DNAH6: variants seen among roughly 807,000 people sequenced by gnomAD.
DNAH6 encodes axonemal beta dynein heavy chain 6.
A neutral mutation model predicts 491.4 loss-of-function variants in DNAH6; 340 were observed. The ratio of observed to expected loss-of-function variants is 0.69; its 90% CI spans 0.63 to 0.76. DNAH6 has a LOEUF of 0.76. Among genes scored for constraint, DNAH6 ranks in the 30% least tolerant of loss-of-function variants. The pLI is 0.00. For synonymous variants in DNAH6, 1,603 were observed against 1,686.1 expected (o/e 0.95, Z 1.21); for missense variants, 4,443 against 4,972.2 (o/e 0.89, Z 3.20).
intron 23 of DNAH6, among the ~76,000 whole-genome samples, chr2:84,619,152 T>C (rs1056283831): frequency 1.3e-5 from 2 of 152,214 alleles, no homozygotes; most frequent in Non-Finnish European, 2.9e-5. Context: ...CAAAATTACA[T>C]TATGCCAATT....
At chr2:84,616,682 G>T (rs1471356943) in intron 22 of DNAH6, among the ~76,000 whole-genome samples, 1 of 152,042 alleles carries the variant, frequency 6.6e-6, no homozygotes, top group African/African-American at 2.4e-5. Context: ...TAATGTGATT[G>T]TAATTTTTCT....
At position 84,797,523 on chromosome 2, in the gene DNAH6, GT is replaced by G; in HGVS notation, c.11360-9del. On this transcript the variant is annotated splice_polypyrimidine_tract_variant and intron_variant, in intron 69 of 76. Transcript: ENST00000389394. ...TATTTGAGACATATTTGTCTTCTGT[GT>G]TTTTAATAACAGGCATCTATTTTGC... The G allele has an allele frequency of 6.5e-7, 1 of 1,548,378 alleles. No individual in the cohort carries two copies. The highest frequency in any genetic ancestry group is 1.2e-5 in the South Asian group (1 of 83,618).
the DNAH6 span, among the ~76,000 whole-genome samples, chr2:84,499,756 A>G: frequency 6.6e-6 from 1 of 152,224 alleles, no homozygotes; most frequent in Non-Finnish European, 1.5e-5. Flanking sequence ...ATGACATCTC[A>G]TAGTAGTTTT....
At chr2:84,611,557 C>T (rs770040574) in intron 21 of DNAH6, 117 bp from the exon 22 acceptor site, 61 of 873,242 alleles carry the variant, frequency 7.0e-5, no homozygotes, top group Middle Eastern at 3.4e-4. Context: ...TGTGAGGAGT[C>T]ATAACACCAC....
intron 11 of DNAH6, 122 bp from the exon 12 acceptor site, chr2:84,573,345 A>G: frequency 1.4e-6 from 1 of 729,562 alleles, no homozygotes; most frequent in South Asian, 2.4e-5. Flanking sequence ...TGTTTCCCAA[A>G]TCAAAACATA....
chr2:84,669,581 C>T (rs1199305783), intron 38 of DNAH6, 71 bp downstream of exon 38: 3 of 1,267,996 alleles, frequency 2.4e-6, no homozygotes, highest in South Asian at 1.3e-5. Context: ...ATCGTTAGCA[C>T]CAGAAGTAAT....
At chr2:84,570,974 G>GT (rs1428947641) in intron 11 of DNAH6, among the ~76,000 whole-genome samples, 1 of 152,132 alleles carries the variant, frequency 6.6e-6, no homozygotes, top group Admixed American at 6.5e-5. Flanking sequence ...TTTAAGAGCT[G>GT]TAACACTCAC....
In DNAH6 at chr2:84,664,743, C is replaced by T. The variant is rs1691904007; in HGVS notation, c.6085-4546C>T. Among the ~76,000 whole-genome samples the T allele has an allele frequency of 2.6e-5, 4 of 152,312 alleles. No individual in the cohort carries two copies. The South Asian group carries it at 8.3e-4, about 32-fold the overall frequency. On this transcript the variant is annotated intron_variant, in intron 37 of 76. Coordinates refer to ENST00000389394, the MANE Select transcript of DNAH6 (RefSeq NM_001370.2). ...GAATTGAACTCAGCTCTGCACCAAGCAGACCTAATAGACATCTACAGAACT... is the reference window on the plus strand; with the variant it reads ...GAATTGAACTCAGCTCTGCACCAAGTAGACCTAATAGACATCTACAGAACT...
At chr2:84,605,435 C>A in intron 19 of DNAH6, 65 bp from the exon 20 acceptor site, 1 of 1,037,380 alleles carries the variant, frequency 9.6e-7, no homozygotes, top group Non-Finnish European at 1.4e-6. Flanking sequence ...TTTCATTTCA[C>A]GTGCATTTAT....
chr2:84,562,785 G>A (rs1680806295), intron 11 of DNAH6, among the ~76,000 whole-genome samples: 1 of 152,184 alleles, frequency 6.6e-6, no homozygotes, highest in Admixed American at 6.5e-5. Context: ...ATATCACCTA[G>A]CAGGGAAGCT....
chr2:84,494,828 T>C, the DNAH6 span, among the ~76,000 whole-genome samples: 1 of 152,198 alleles, frequency 6.6e-6, no homozygotes, highest in Non-Finnish European at 1.5e-5. Flanking sequence ...GCAGCACTTC[T>C]AAAATTTAAT....
intron 9 of DNAH6, among the ~76,000 whole-genome samples, chr2:84,551,873 C>T (rs1679403967): frequency 6.6e-6 from 1 of 152,086 alleles, no homozygotes; most frequent in Non-Finnish European, 1.5e-5. Flanking sequence ...CTTGGTGAAA[C>T]GCCATCTCTA....
At chr2:84,530,986 G>C (rs1677110722) in intron 4 of DNAH6, among the ~76,000 whole-genome samples, 1 of 152,120 alleles carries the variant, frequency 6.6e-6, no homozygotes, top group Admixed American at 6.6e-5. Context: ...ATGTGCCCAA[G>C]GTAGTACGGG....
chr2:84,511,266 G>T, the DNAH6 span, among the ~76,000 whole-genome samples: 1 of 152,146 alleles, frequency 6.6e-6, no homozygotes, highest in African/African-American at 2.4e-5. Context: ...TCAAGCTTCG[G>T]CAATGGCGGG....
Position 84,701,144 on chromosome 2 carries a change from A to G in DNAH6, c.7866A>G (p.Gln2622=). 1 of 1,551,882 alleles carries G rather than the reference A, an allele frequency of 6.4e-7. No homozygotes were observed. The change falls in exon 49 of 77, where the codon CAA becomes CAG. Residue 2622 remains glutamine, a synonymous_variant. Transcript: ENST00000389394. Reference sequence around the variant, plus strand: ...CTGTGTCAAAGACATTTTTCTCACAAGTCGATGCTGGAAATGAAGAACTGA... The same window carrying G: ...CTGTGTCAAAGACATTTTTCTCACAGGTCGATGCTGGAAATGAAGAACTGA... ...LLSVSKTFFS[Q]VDAGNEELKE...
At chr2:84,586,729 G>A (rs1166035207) in intron 15 of DNAH6, among the ~76,000 whole-genome samples, 1 of 152,182 alleles carries the variant, frequency 6.6e-6, no homozygotes, top group Non-Finnish European at 1.5e-5. Flanking sequence ...ACAGGGTTAA[G>A]TAACTTGCCA....
intron 64 of DNAH6, among the ~76,000 whole-genome samples, chr2:84,763,504 G>T (rs1354795396): frequency 1.3e-5 from 2 of 151,914 alleles, no homozygotes; most frequent in Non-Finnish European, 2.9e-5. Context: ...TGTCATCCAG[G>T]TAGGTAAAAA....
the DNAH6 span, among the ~76,000 whole-genome samples, chr2:84,477,045 A>G: frequency 6.6e-6 from 1 of 152,188 alleles, no homozygotes; most frequent in Non-Finnish European, 1.5e-5. Context: ...TGTTGGGGGC[A>G]GGTGGGGGCA....
At chr2:84,697,952 C>T in intron 47 of DNAH6, 1 of 540,312 alleles carries the variant, frequency 1.9e-6, no homozygotes, top group Non-Finnish European at 3.3e-6. Flanking sequence ...CATTGCCCCA[C>T]AGAGGTCATA....
Sources: allele counts gnomAD v4.1 joint callset (sites outside exome capture counted in the v4.1 genomes callset), GRCh38; gene constraint gnomAD v4.1.1; transcripts MANE v1.5; gene names NCBI Gene and HGNC (gene_info 2026-07-23, HGNC 2026-07-21).